STOX2: variants seen among roughly 807,000 people sequenced by gnomAD.
STOX2 encodes storkhead-box protein 2.
Under a neutral mutation model 60.9 loss-of-function variants are expected in STOX2, and 28 were observed. The ratio of observed to expected loss-of-function variants is 0.46; its 90% CI spans 0.34 to 0.63. The LOEUF (loss-of-function observed/expected upper bound fraction) is 0.63. Ranked by LOEUF, STOX2 falls within the 30% of genes least tolerant of loss-of-function variation. The probability of loss-of-function intolerance (pLI) is 0.01; values close to 1 mark genes in which losing one functional copy is unlikely to be tolerated. For synonymous variants in STOX2, 472 were observed against 463.9 expected (o/e 1.02, Z -0.22); for missense variants, 1,024 against 1,187.7 (o/e 0.86, Z 2.03).
In STOX2 at chr4:183,906,558, T is replaced by A. The variant is rs1324919401; in HGVS notation, c.-233T>A. 3.3e-6 allele frequency: 1 copy of A among 302,506 alleles called. No individual in the cohort carries two copies. Among genetic ancestry groups the A allele is most frequent in the African/African-American group, 2.3e-5 (1 of 43,798 alleles). The allele number at this position is 302,506 out of a possible 1,614,324, so 18.7% of individuals were successfully genotyped here. On this transcript the variant is annotated 5_prime_UTR_variant, in exon 1 of 4. An upstream start codon of the reference 5' UTR is lost. Transcript: ENST00000308497. Reference sequence around the variant, plus strand: ...AGCTATAAGCCGGGCGGATTGCAAATGAAGTGTAATGCATTGTGGGACGTG... The same window carrying A: ...AGCTATAAGCCGGGCGGATTGCAAAAGAAGTGTAATGCATTGTGGGACGTG...
At chr4:183,929,174 G>A (rs1350193652) in intron 1 of STOX2, among the ~76,000 whole-genome samples, 2 of 152,216 alleles carry the variant, frequency 1.3e-5, no homozygotes, top group Non-Finnish European at 2.9e-5. Flanking sequence ...GAGATTTGCT[G>A]AAGTCTTGGG....
At chr4:183,924,199 CG>C (rs1202112589) in intron 1 of STOX2, among the ~76,000 whole-genome samples, 1 of 152,118 alleles carries the variant, frequency 6.6e-6, no homozygotes, top group African/African-American at 2.4e-5. Context: ...GTTGCCTGTT[CG>C]TGTCAGGGCC....
chr4:183,986,773 G>T (rs374725640), intron 1 of STOX2, among the ~76,000 whole-genome samples: 4 of 152,332 alleles, frequency 2.6e-5, no homozygotes, highest in Admixed American at 6.5e-5. Context: ...CTCACAGGGG[G>T]GCCTTTGCCA....
rs1172780747 is a variant in STOX2, at chr4:183,906,643, C to T, written c.-148C>T. 2 of 888,592 alleles carry T rather than the reference C, an allele frequency of 2.3e-6. No homozygotes were observed. Among genetic ancestry groups the T allele is most frequent in the Non-Finnish European group, 3.3e-6 (2 of 609,432 alleles). 55.0% of individuals were successfully genotyped at this position (888,592 alleles called of 1,614,324 possible). ...GGGGCGTGGGGAGGGCCGGACCCGCCGCTGGCGGTGTAGACGCCGACGAGG... is the reference window on the plus strand; with the variant it reads ...GGGGCGTGGGGAGGGCCGGACCCGCTGCTGGCGGTGTAGACGCCGACGAGG... On this transcript the variant is annotated 5_prime_UTR_variant, in exon 1 of 4. Transcript: ENST00000308497.
chr4:184,009,324 G>C lies in STOX2; in HGVS notation c.486G>C (p.Glu162Asp). The change falls in exon 3 of 4, where the codon GAG becomes GAC. Residue 162 changes from glutamate to aspartate, a missense_variant. This residue lies in a region of STOX2 where 922 missense variants were observed against 1,058.3 expected (regional missense o/e 0.87). Transcript: ENST00000308497. This position sits in a 1 kb window ranked among gnomAD's most constrained non-coding sequence, Gnocchi z 4.0. Reference protein sequence around the residue: ...RTNSKWYHLDERIPDRSQCTS... With the variant: ...RTNSKWYHLDDRIPDRSQCTS... ...ACAGTAAATGGTACCATTTGGACGA[G>C]AGGATACCTGACCGGTCTCAGTGCA... The C allele has an allele frequency of 6.2e-7, 1 of 1,613,950 alleles. No individual in the cohort carries two copies. Among genetic ancestry groups the C allele is most frequent in the Non-Finnish European group, 8.5e-7 (1 of 1,179,880 alleles).
chr4:183,951,679 C>CCTG (rs1743099823), intron 1 of STOX2, among the ~76,000 whole-genome samples: 1 of 151,936 alleles, frequency 6.6e-6, no homozygotes, highest in African/African-American at 2.4e-5. Flanking sequence ...GTGGCTCACG[C>CCTG]CTGTAATCCC....
At chr4:183,992,669 A>G (rs529770350) in intron 1 of STOX2, among the ~76,000 whole-genome samples, 7 of 152,330 alleles carry the variant, frequency 4.6e-5, no homozygotes, top group Middle Eastern at 3.4e-3. Flanking sequence ...TAGGACTGGT[A>G]TTTCATCATA....
intron 1 of STOX2, among the ~76,000 whole-genome samples, chr4:183,963,276 T>C (rs1381677124): frequency 6.6e-6 from 1 of 152,178 alleles, no homozygotes; most frequent in African/African-American, 2.4e-5. Flanking sequence ...TTCTTATGGG[T>C]TTTATTATGA....
intron 1 of STOX2, among the ~76,000 whole-genome samples, chr4:183,888,309 A>G (rs1741128766): frequency 6.6e-6 from 1 of 152,204 alleles, no homozygotes; most frequent in African/African-American, 2.4e-5. Flanking sequence ...TAAGCAGTTC[A>G]CATGGATTCA....
Position 183,865,339 on chromosome 4 carries a change from T to C in STOX2, c.364+67284T>C, listed in dbSNP as rs1579350670. 1.3e-5 allele frequency among the ~76,000 whole-genome samples: 2 copies of C among 152,222 alleles called. No individual in the cohort carries two copies. Among genetic ancestry groups the C allele is most frequent in the Admixed American group, 1.3e-4 (2 of 15,286 alleles). ...AAGTGACTGGGGTGGGTGGGATTGC[T>C]GTTTTACCTGTCTTTTGGTTCATGA... On this transcript the variant is annotated intron_variant, in intron 1 of 2. Transcript: ENST00000513034. This position sits in a 1 kb window ranked among gnomAD's most constrained non-coding sequence, Gnocchi z 4.1.
chr4:183,879,211 A>T (rs1369672107), intron 1 of STOX2, among the ~76,000 whole-genome samples: 1 of 152,218 alleles, frequency 6.6e-6, no homozygotes, highest in Non-Finnish European at 1.5e-5. Flanking sequence ...AGCCTCGCGA[A>T]GGCATGTCCC....
chr4:183,999,718 T>C (rs1350129212), intron 1 of STOX2, among the ~76,000 whole-genome samples: 1 of 152,168 alleles, frequency 6.6e-6, no homozygotes, highest in Non-Finnish European at 1.5e-5. Context: ...GCTGCCTGAT[T>C]TCATCGAGCA....
chr4:183,833,999 AAAG>A (rs1236850756), intron 1 of STOX2, among the ~76,000 whole-genome samples: 3 of 151,572 alleles, frequency 2.0e-5, no homozygotes, highest in Non-Finnish European at 4.4e-5. Flanking sequence ...AAAAAAAAAA[AAAG>A]AATGTGAGAA....
intron 1 of STOX2, among the ~76,000 whole-genome samples, chr4:183,961,445 T>C (rs919962567): frequency 2.6e-5 from 4 of 152,218 alleles, no homozygotes. Context: ...CACCGGCATG[T>C]GAGGAAGCTG....
chr4:183,817,414 A>G (rs1298583534), intron 1 of STOX2, among the ~76,000 whole-genome samples: 2 of 152,204 alleles, frequency 1.3e-5, no homozygotes, highest in African/African-American at 4.8e-5. Context: ...TGGTTGCCAG[A>G]CTATGAGCTG....
rs891539772 is a variant in STOX2, at chr4:183,972,571, C to T, written c.167-28754C>T. 6.6e-5 allele frequency among the ~76,000 whole-genome samples: 10 copies of T among 152,210 alleles called. No homozygotes were observed. The South Asian group carries it at 1.9e-3, about 28-fold the overall frequency. On this transcript the variant is annotated intron_variant, in intron 1 of 3. Coordinates refer to ENST00000308497, the MANE Select transcript of STOX2 (RefSeq NM_020225.3). Reference sequence around the variant, plus strand: ...GCATGGTATACATGTAAGACAGATCCAAATAGCACTGCAAAAGCTTTCTGC... The same window carrying T: ...GCATGGTATACATGTAAGACAGATCTAAATAGCACTGCAAAAGCTTTCTGC...
At chr4:184,017,009 C>G in intron 3 of STOX2, 80 bp from the exon 4 acceptor site, 1 of 1,174,742 alleles carries the variant, frequency 8.5e-7, no homozygotes, top group Non-Finnish European at 1.2e-6. Flanking sequence ...TTAACGACAT[C>G]ATTTGCTCTT....
chr4:183,962,289 A>G (rs1743435518), intron 1 of STOX2, among the ~76,000 whole-genome samples: 1 of 152,154 alleles, frequency 6.6e-6, no homozygotes, highest in African/African-American at 2.4e-5. Flanking sequence ...TCGTCATAGG[A>G]AGACAACTTT....
At chr4:183,840,199 G>C (rs1041642449) in intron 1 of STOX2, among the ~76,000 whole-genome samples, 1 of 152,166 alleles carries the variant, frequency 6.6e-6, no homozygotes, top group African/African-American at 2.4e-5. Flanking sequence ...ATTTAGATTG[G>C]AACGTTCTAA....
Sources: gnomAD v4.1 joint callset for allele counts (sites outside exome capture counted in the v4.1 genomes callset) on GRCh38, gnomAD v4.1.1 for gene constraint, gnomAD v4.1.1 regional missense constraint, Gnocchi (gnomAD v3.1) non-coding constraint, MANE v1.5 for transcripts, NCBI Gene and HGNC (gene_info 2026-07-23, HGNC 2026-07-21) for gene names.